SPTA1: variants seen among roughly 807,000 people sequenced by gnomAD.
The protein encoded by SPTA1 is spectrin alpha chain, erythrocytic 1.
SPTA1 carries 177 observed loss-of-function variants against 324.7 expected under a neutral mutation model. The observed-to-expected ratio is 0.55, with a 90% CI of 0.48 to 0.62. SPTA1 has a LOEUF of 0.62. Ranked by LOEUF, SPTA1 falls within the 20% of genes least tolerant of loss-of-function variation. The pLI, the probability that SPTA1 is intolerant of heterozygous loss-of-function variation, is 0.00. For missense variants in SPTA1, 3,162 were observed against 2,883.6 expected (o/e 1.10, Z -2.21); for synonymous variants, 1,195 against 1,041.3 (o/e 1.15, Z -2.84).
intron 38 of SPTA1, among the ~76,000 whole-genome samples, chr1:158,635,129 T>C (rs919831729): frequency 1.3e-5 from 2 of 152,126 alleles, no homozygotes; most frequent in African/African-American, 4.8e-5. Flanking sequence ...TTTGGCTATA[T>C]GTGTGATATG....
At chr1:158,634,736 A>G in intron 38 of SPTA1, 61 bp from the exon 39 acceptor site, 2 of 1,602,778 alleles carry the variant, frequency 1.2e-6, no homozygotes, top group Admixed American at 1.7e-5. Flanking sequence ...GTGGGAGTAC[A>G]GTGGGGTGGC....
intron 12 of SPTA1, among the ~76,000 whole-genome samples, chr1:158,670,268 G>A (rs184541430): frequency 6.6e-6 from 1 of 152,280 alleles, no homozygotes; most frequent in Admixed American, 6.5e-5. Flanking sequence ...AGAAATTATA[G>A]AGGTAAGTTT....
In SPTA1 at chr1:158,614,279, A is replaced by T; in HGVS notation, c.6816T>A (p.Thr2272=). The part of the protein sequence containing the change: ...AKDIKGVSEE[T]LKEFSTIYKH... ...TATAGATTGTGCTAAATTCCTTTAG[A>T]GTCTCTTCACTCACACCTTTGATGT... Residue 2272 remains threonine (T), a synonymous_variant, in exon 49 of 52, where the codon ACT becomes ACA. Transcript: ENST00000643759. The T allele has an allele frequency of 6.3e-7, 1 of 1,592,146 alleles. No homozygotes were observed. Among genetic ancestry groups the T allele is most frequent in the Non-Finnish European group, 8.6e-7 (1 of 1,160,800 alleles).
chr1:158,643,811 C>T (rs978751206), intron 30 of SPTA1, among the ~76,000 whole-genome samples: 1 of 152,082 alleles, frequency 6.6e-6, no homozygotes, highest in Admixed American at 6.6e-5. Context: ...TGTCAAGCTG[C>T]CCTGCCTGCC....
At chr1:158,657,172 T>C (rs1652889322) in intron 19 of SPTA1, among the ~76,000 whole-genome samples, 1 of 152,248 alleles carries the variant, frequency 6.6e-6, no homozygotes, top group African/African-American at 2.4e-5. Flanking sequence ...AATTTATAAA[T>C]GCTCAAGGTT....
chr1:158,619,186 C>G, intron 45 of SPTA1, 36 bp downstream of exon 45: 1 of 1,585,288 alleles, frequency 6.3e-7, no homozygotes. Flanking sequence ...ATGGTGGTGG[C>G]ACAGGGGTCA....
intron 43 of SPTA1, chr1:158,622,589 G>C (rs1649985465): frequency 4.5e-6 from 1 of 224,276 alleles, no homozygotes; most frequent in African/African-American, 2.3e-5. Context: ...ACCTAGGAAA[G>C]CTTGATATAA....
intron 51 of SPTA1, 155 bp downstream of exon 51, chr1:158,612,662 G>A: frequency 1.3e-6 from 1 of 773,860 alleles, no homozygotes; most frequent in South Asian, 1.5e-5. Context: ...AAGACAAAAT[G>A]AAGTGGTTAC....
chr1:158,681,788 G>A, intron 3 of SPTA1, 121 bp from the exon 4 acceptor site: 1 of 1,273,830 alleles, frequency 7.9e-7, no homozygotes, highest in Admixed American at 1.9e-5. Context: ...TGCATTAGTT[G>A]CTCAACAAAC....
Position 158,671,830 on chromosome 1 carries a change from G to A in SPTA1, c.1488+229C>T, listed in dbSNP as rs894402936. ...TTTATTTTGCCTTATTTCAATTGTAGTTAAAGCCTCTCTGCTATGTATTTA... is the reference window on the plus strand; with the variant it reads ...TTTATTTTGCCTTATTTCAATTGTAATTAAAGCCTCTCTGCTATGTATTTA... On this transcript the variant is annotated intron_variant, in intron 11 of 51. Transcript: ENST00000643759. 2.6e-5 allele frequency among the ~76,000 whole-genome samples: 4 copies of A among 152,142 alleles called. No homozygotes were observed. In the East Asian group the frequency reaches 7.7e-4, roughly 29 times the overall value.
Position 158,654,675 on chromosome 1 carries a change from C to G in SPTA1, c.2972G>C (p.Arg991Pro). 1 of 1,613,774 alleles carries G rather than the reference C, an allele frequency of 6.2e-7. No homozygotes were observed. The highest frequency in any genetic ancestry group is 1.1e-5 in the South Asian group (1 of 91,054). Reference protein sequence around the residue: ...RVMALYDFQARSPREVTMKKG... With the variant: ...RVMALYDFQAPSPREVTMKKG... The stretch of plus-strand genomic sequence containing the variant: ...CTTCATGGTGACTTCTCGGGGGCTG[C>G]GGGCCTGGAAGTCATATAAAGCCAT... Residue 991 changes from arginine (R) to proline (P), a missense_variant, in exon 21 of 52, where the codon CGC (arginine) becomes CCC (proline). Transcript: ENST00000643759.
At chr1:158,653,544 A>T in intron 21 of SPTA1, 119 bp from the exon 22 acceptor site, 1 of 1,334,480 alleles carries the variant, frequency 7.5e-7, no homozygotes, top group Non-Finnish European at 1.0e-6. Flanking sequence ...TAAGCTAACC[A>T]TGTCTAATGA....
At chr1:158,624,166 C>T (rs1650110600) in intron 42 of SPTA1, among the ~76,000 whole-genome samples, 2 of 152,350 alleles carry the variant, frequency 1.3e-5, no homozygotes, top group South Asian at 4.1e-4. Context: ...TGGAGAACCT[C>T]TGCTAAGGCA....
intron 8 of SPTA1, 139 bp downstream of exon 8, chr1:158,676,002 T>A: frequency 8.8e-7 from 1 of 1,138,560 alleles, no homozygotes; most frequent in Non-Finnish European, 1.3e-6. Context: ...TTTGGCAACT[T>A]AAATATTTTG....
chr1:158,678,701 G>A (rs1314501098), intron 5 of SPTA1, among the ~76,000 whole-genome samples, 167 bp from the exon 6 acceptor site: 1 of 152,048 alleles, frequency 6.6e-6, no homozygotes, highest in Non-Finnish European at 1.5e-5. Context: ...GCTCCAACTT[G>A]ATGCACACTA....
Position 158,657,475 on chromosome 1 carries a change from A to AAC in SPTA1, c.2805+1_2805+2insGT. ...ACAATGTTAAACCCACCCCCACCTT[A>AAC]CCCCAGCTGCTTCTTCATCAGCACC... is the stretch of plus-strand genomic sequence containing the variant. On this transcript the variant is annotated splice_donor_variant, in intron 19 of 51. Coordinates refer to ENST00000643759, the MANE Select transcript of SPTA1 (RefSeq NM_003126.4). LOFTEE classifies it high-confidence loss of function. 2.0e-5 allele frequency: 31 copies of AAC among 1,570,478 alleles called. No homozygotes were observed. Among genetic ancestry groups the AAC allele is most frequent in the Non-Finnish European group, 2.5e-5 (28 of 1,142,050 alleles).
intron 46 of SPTA1, 93 bp downstream of exon 46, chr1:158,617,946 T>A: frequency 8.3e-7 from 1 of 1,209,770 alleles, no homozygotes; most frequent in Non-Finnish European, 1.2e-6. Flanking sequence ...CAGATTACAA[T>A]GGAATGAAAA....
chr1:158,643,270 G>A (rs999811561), intron 31 of SPTA1, 52 bp downstream of exon 31: 5 of 1,592,070 alleles, frequency 3.1e-6, no homozygotes, highest in South Asian at 1.1e-5. Flanking sequence ...TAGCAAAAAG[G>A]TCAGTTTGCT....
chr1:158,629,669 A>T (rs919725707), intron 39 of SPTA1, among the ~76,000 whole-genome samples: 2 of 152,072 alleles, frequency 1.3e-5, no homozygotes, highest in Non-Finnish European at 2.9e-5. Flanking sequence ...ATAGTACTGG[A>T]AGTCCTAGTA....
Sources: allele counts gnomAD v4.1 joint callset (sites outside exome capture counted in the v4.1 genomes callset), GRCh38; gene constraint gnomAD v4.1.1; transcripts MANE v1.5; gene names NCBI Gene and HGNC (gene_info 2026-07-23, HGNC 2026-07-21).